The following NCALD variants were observed in gnomAD, a reference collection of about 807,000 sequenced individuals.
NCALD encodes neurocalcin delta.
A neutral mutation model predicts 18.6 loss-of-function variants in NCALD; 10 were observed. The ratio of observed to expected loss-of-function variants is 0.54; its 90% CI spans 0.33 to 0.91. The LOEUF (loss-of-function observed/expected upper bound fraction) is 0.91. Among genes scored for constraint, NCALD ranks in the 40% least tolerant of loss-of-function variants. The pLI, the probability that NCALD is intolerant of heterozygous loss-of-function variation, is 0.03. For synonymous variants in NCALD, 88 were observed against 87.4 expected (o/e 1.01, Z -0.04); for missense variants, 184 against 247.6 (o/e 0.74, Z 1.72).
At chr8:101,969,686 T>C (rs2131888695) in intron 2 of NCALD, among the ~76,000 whole-genome samples, 1 of 152,326 alleles carries the variant, frequency 6.6e-6, no homozygotes, top group Non-Finnish European at 1.5e-5. Flanking sequence ...TGAAACTTCG[T>C]CTTGGTAACT....
intron 1 of NCALD, among the ~76,000 whole-genome samples, chr8:101,721,590 G>A (rs1816358367): frequency 6.6e-6 from 1 of 152,080 alleles, no homozygotes; most frequent in East Asian, 1.9e-4. Flanking sequence ...CCTGTCTGGT[G>A]GCCTCACTAA....
chr8:101,896,263 G>C (rs983676549), intron 3 of NCALD, among the ~76,000 whole-genome samples: 8 of 152,062 alleles, frequency 5.3e-5, no homozygotes, highest in African/African-American at 1.9e-4. Flanking sequence ...AAGCAATGGG[G>C]AAAGGATTCC....
At chr8:102,099,533 A>C (rs564486134) in intron 1 of NCALD, among the ~76,000 whole-genome samples, 1 of 152,296 alleles carries the variant, frequency 6.6e-6, no homozygotes, top group South Asian at 2.1e-4. Flanking sequence ...TTGATCCTTA[A>C]ATCTTGACAT....
intron 1 of NCALD, among the ~76,000 whole-genome samples, chr8:101,783,686 C>T (rs946334023): frequency 3.9e-5 from 6 of 152,310 alleles, no homozygotes; most frequent in African/African-American, 1.4e-4. Flanking sequence ...CTGCCATCCA[C>T]ACTGCACTCT....
intron 3 of NCALD, among the ~76,000 whole-genome samples, chr8:101,910,785 T>C (rs1450107738): frequency 6.6e-6 from 1 of 152,174 alleles, no homozygotes; most frequent in East Asian, 1.9e-4. Context: ...ATAAAACCAC[T>C]AGGCAAACCT....
At chr8:101,779,840 T>C (rs1331865531) in intron 1 of NCALD, 1 of 152,076 alleles carries the variant, frequency 6.6e-6, no homozygotes, top group Non-Finnish European at 1.5e-5. Flanking sequence ...TGAAACAATG[T>C]TTTTTTAAGT....
chr8:101,984,469 T>C (rs1449887056), intron 2 of NCALD, among the ~76,000 whole-genome samples: 1 of 152,210 alleles, frequency 6.6e-6, no homozygotes, highest in Non-Finnish European at 1.5e-5. Context: ...TAATAAATGT[T>C]GAAGCTCTGA....
intron 2 of NCALD, among the ~76,000 whole-genome samples, chr8:101,937,785 C>T (rs142475320): frequency 1.3e-3 from 191 of 152,178 alleles, no homozygotes; most frequent in African/African-American, 4.5e-3. Context: ...GGTTTCTGCC[C>T]TCATGGAGCT....
intron 3 of NCALD, chr8:101,690,941 C>T (rs1206530834): frequency 1.0e-6 from 1 of 985,462 alleles, no homozygotes; most frequent in Non-Finnish European, 1.2e-6. Flanking sequence ...TGACGTCTGG[C>T]TTTCTTCACT....
Position 101,688,193 on chromosome 8 carries a change from G to C in NCALD, c.*1116C>G, listed in dbSNP as rs1814549559. On this transcript the variant is annotated 3_prime_UTR_variant, in exon 4 of 4. Coordinates refer to ENST00000220931, the MANE Select transcript of NCALD (RefSeq NM_032041.3). Reference sequence around the variant, plus strand: ...TGTCAATGGGCTGCTGGGCCTGAGAGGGAAACCACCCTACTGGTCCCCTGT... The same window carrying C: ...TGTCAATGGGCTGCTGGGCCTGAGACGGAAACCACCCTACTGGTCCCCTGT... The C allele has an allele frequency of 6.2e-6, 1 of 161,508 alleles. No homozygotes were observed. The highest frequency in any genetic ancestry group is 6.0e-5 in the Admixed American group (1 of 16,790). The allele number at this position is 161,508 out of a possible 1,614,324, so 10.0% of individuals were successfully genotyped here. A position where few individuals can be genotyped will look rare whatever the true frequency, so the allele number is the denominator to read the frequency against.
chr8:101,838,266 GC>G (rs1814495371), intron 4 of NCALD, among the ~76,000 whole-genome samples: 1 of 151,962 alleles, frequency 6.6e-6, no homozygotes, highest in East Asian at 1.9e-4. Flanking sequence ...CCTGTCGCCA[GC>G]CTGGAGTGCA....
intron 1 of NCALD, among the ~76,000 whole-genome samples, chr8:101,744,374 A>G (rs6986790): frequency 0.069 from 10,532 of 152,256 alleles, 950 homozygotes; most frequent in African/African-American, 0.21. Context: ...AACATCTCCA[A>G]TTTCAAACAG....
intron 3 of NCALD, among the ~76,000 whole-genome samples, chr8:101,888,881 AG>A (rs2131496516): frequency 6.6e-6 from 1 of 152,292 alleles, no homozygotes; most frequent in South Asian, 2.1e-4. Flanking sequence ...CCCCACTGAA[AG>A]CTTAGACAGT....
chr8:101,896,106 T>A (rs1563871067), intron 3 of NCALD, among the ~76,000 whole-genome samples: 1 of 151,346 alleles, frequency 6.6e-6, no homozygotes, highest in Non-Finnish European at 1.5e-5. Flanking sequence ...ACTACCTGAC[T>A]TCAAACTATA....
At chr8:101,952,234 A>G (rs530694975) in intron 2 of NCALD, among the ~76,000 whole-genome samples, 16 of 152,284 alleles carry the variant, frequency 1.1e-4, no homozygotes, top group African/African-American at 3.4e-4. Flanking sequence ...ATGCAAGTAC[A>G]GGACTCCAAG....
chr8:101,881,609 G>A (rs562818530), intron 4 of NCALD, among the ~76,000 whole-genome samples: 5 of 152,260 alleles, frequency 3.3e-5, no homozygotes, highest in African/African-American at 9.6e-5. Context: ...TCTTGCAGCT[G>A]ACTGAAGTGG....
At chr8:101,777,667 G>GGCA (rs1476895829) in intron 1 of NCALD, among the ~76,000 whole-genome samples, 1 of 152,140 alleles carries the variant, frequency 6.6e-6, no homozygotes, top group Admixed American at 6.5e-5. Flanking sequence ...AGCACACTGG[G>GGCA]GCAGCCACTC....
At chr8:102,107,013 A>G (rs1325557015) in intron 1 of NCALD, among the ~76,000 whole-genome samples, 2 of 151,832 alleles carry the variant, frequency 1.3e-5, no homozygotes, top group Non-Finnish European at 2.9e-5. Context: ...TGAAAACCAC[A>G]TAAGTAAGTT....
chr8:101,925,587 A>G (rs1818309150), intron 2 of NCALD, among the ~76,000 whole-genome samples: 2 of 152,114 alleles, frequency 1.3e-5, no homozygotes, highest in South Asian at 4.2e-4. Flanking sequence ...TGGCTGTCTC[A>G]CAGACACATT....
Sources: allele counts gnomAD v4.1 joint callset (sites outside exome capture counted in the v4.1 genomes callset), GRCh38; gene constraint gnomAD v4.1.1; transcripts MANE v1.5; gene names NCBI Gene and HGNC (gene_info 2026-07-23, HGNC 2026-07-21).